SNRPN: variants seen among roughly 807,000 people sequenced by gnomAD.
The protein encoded by SNRPN is small nuclear ribonucleoprotein-associated protein N.
A neutral mutation model predicts 25.2 loss-of-function variants in SNRPN; 7 were observed. The observed-to-expected ratio is 0.28, with a 90% CI of 0.16 to 0.52. SNRPN has a LOEUF of 0.52. Among genes scored for constraint, SNRPN ranks in the 20% least tolerant of loss-of-function variants. The probability of loss-of-function intolerance (pLI) is 0.96; values close to 1 mark genes in which losing one functional copy is unlikely to be tolerated. For missense variants in SNRPN, 196 were observed against 322.5 expected (o/e 0.61, Z 3.00); for synonymous variants, 124 against 110.6 (o/e 1.12, Z -0.76).
At chr15:24,853,329 G>A (rs1178039168), upstream of SNRPN, among the ~76,000 whole-genome samples, 1 of 151,882 alleles carries the variant, frequency 6.6e-6, no homozygotes, top group Non-Finnish European at 1.5e-5. Flanking sequence ...TGCTTCATAA[G>A]CTGTTGACAC....
At chr15:24,904,057 G>C (rs55852993) in intron 2 of SNRPN, among the ~76,000 whole-genome samples, 215 of 150,570 alleles carry the variant, frequency 1.4e-3, no homozygotes, top group Non-Finnish European at 2.2e-3. Flanking sequence ...AAAAAAGATC[G>C]GAGCAAGAAA....
Position 24,871,556 on chromosome 15 carries a change from C to T in SNRPN, c.-579+14840C>T, listed in dbSNP as rs148924300. Among the ~76,000 whole-genome samples the T allele has an allele frequency of 6.0e-3, 912 of 151,972 alleles. 10 individuals are homozygous for T. The highest frequency in any genetic ancestry group is 0.02 in the Middle Eastern group (6 of 294). On this transcript the variant is annotated intron_variant, in intron 1 of 11. Transcript: ENST00000400097. ...ATGATGTCAATCATCTTTTTATGTG[C>T]CCTTTGGGGATACATATTCTTTGAA...
intron 1 of SNRPN, chr15:24,958,911 TCTC>T (rs891493688): frequency 1.3e-5 from 2 of 152,990 alleles, no homozygotes; most frequent in Non-Finnish European, 2.9e-5. Flanking sequence ...TAGAGAGGGG[TCTC>T]CTTATGTTGC....
intron 2 of SNRPN, among the ~76,000 whole-genome samples, chr15:24,965,709 C>T (rs913260324): frequency 1.3e-5 from 2 of 152,098 alleles, no homozygotes; most frequent in African/African-American, 4.8e-5. Flanking sequence ...TTATGCTAAG[C>T]TTCACATGTC....
chr15:24,959,130 A>G (rs2153437416), intron 1 of SNRPN, among the ~76,000 whole-genome samples: 2 of 152,324 alleles, frequency 1.3e-5, no homozygotes, highest in Middle Eastern at 6.8e-3. Context: ...CCGGATTATT[A>G]CTTTCAGTGT....
At chr15:24,908,301 A>G (rs1408373888) in intron 2 of SNRPN, among the ~76,000 whole-genome samples, 1 of 152,250 alleles carries the variant, frequency 6.6e-6, no homozygotes, top group Non-Finnish European at 1.5e-5. Context: ...CTAAAAATGT[A>G]GAGGCTGCTT....
intron 1 of SNRPN, among the ~76,000 whole-genome samples, chr15:24,880,923 C>T (rs936509951): frequency 1.3e-5 from 2 of 149,672 alleles, no homozygotes; most frequent in Admixed American, 6.6e-5. Flanking sequence ...GTGATCCTCC[C>T]GCCTTGGCCT....
rs2153008162 is a variant in SNRPN, at chr15:24,939,147, C to CCA, written c.-391+19026_-391+19027dup. On this transcript the variant is annotated intron_variant, in intron 3 of 11. Coordinates refer to the SNRPN transcript ENST00000400097. ...CTTCTGTTGCATTTTTTTTAGGAAA[C>CCA]CACATAGTGTTTTGCATAGTGGCTG... 2.0e-5 allele frequency among the ~76,000 whole-genome samples: 3 copies of CCA among 152,176 alleles called. No homozygotes were observed. In the East Asian group the frequency reaches 5.8e-4, roughly 29 times the overall value.
chr15:24,889,336 T>C (rs942005371), intron 2 of SNRPN, among the ~76,000 whole-genome samples: 1 of 152,132 alleles, frequency 6.6e-6, no homozygotes, highest in Non-Finnish European at 1.5e-5. Flanking sequence ...GGAGTCTCAT[T>C]CTGTCACCCA....
intron 2 of SNRPN, among the ~76,000 whole-genome samples, chr15:24,844,924 A>T (rs1384164244): frequency 6.6e-6 from 1 of 152,200 alleles, no homozygotes; most frequent in Non-Finnish European, 1.5e-5. Flanking sequence ...TTTCCTTAGA[A>T]ATTTTATGTG....
rs566358180 is a variant in SNRPN, at chr15:24,832,834, G to A, written c.-579+2929G>A. 8.8e-4 allele frequency among the ~76,000 whole-genome samples: 134 copies of A among 152,016 alleles called. 2 individuals carry two copies. The highest frequency in any genetic ancestry group is 3.1e-3 in the African/African-American group (128 of 41,398). The stretch of plus-strand genomic sequence containing the variant: ...TCAAAAGATGATGGAGGCCGGGCGC[G>A]GTGGCTCAGGGCCTGTAATCCCAGC... On this transcript the variant is annotated intron_variant, in intron 2 of 12. Coordinates refer to the SNRPN transcript ENST00000400100.
intron 1 of SNRPN, among the ~76,000 whole-genome samples, chr15:24,871,250 G>A (rs181912072): frequency 1.8e-4 from 27 of 151,938 alleles, no homozygotes; most frequent in African/African-American, 6.0e-4. Context: ...ATAAAGTTAT[G>A]CAGGGTTTCA....
intron 1 of SNRPN, among the ~76,000 whole-genome samples, chr15:24,879,487 A>G (rs933775822): frequency 5.9e-5 from 9 of 152,172 alleles, no homozygotes; most frequent in African/African-American, 2.2e-4. Flanking sequence ...AAGCTCAGAA[A>G]ATATATGTGT....
intron 2 of SNRPN, 58 bp downstream of exon 2, chr15:24,962,267 C>A (rs1046798350): frequency 5.8e-6 from 8 of 1,373,322 alleles, no homozygotes; most frequent in Non-Finnish European, 7.3e-6. Flanking sequence ...CAGATTAGAA[C>A]AAAATATCAT....
intron 3 of SNRPN, among the ~76,000 whole-genome samples, chr15:24,935,888 G>C (rs2061199427): frequency 6.6e-6 from 1 of 152,118 alleles, no homozygotes; most frequent in South Asian, 2.1e-4. Context: ...GGAGGCCAAG[G>C]TGGGTGGATC....
intron 3 of SNRPN, among the ~76,000 whole-genome samples, chr15:24,973,264 A>C (rs1198598171): frequency 6.6e-6 from 1 of 152,184 alleles, no homozygotes; most frequent in Non-Finnish European, 1.5e-5. Context: ...TTTGTAGCCT[A>C]GGATCTACCA....
chr15:24,895,178 G>A (rs1318406824), intron 2 of SNRPN, among the ~76,000 whole-genome samples: 4 of 152,086 alleles, frequency 2.6e-5, no homozygotes, highest in South Asian at 2.1e-4. Flanking sequence ...TGGGTAAAGC[G>A]TGGCAGCTCT....
chr15:24,951,592 C>G (rs1178431374), upstream of SNRPN, among the ~76,000 whole-genome samples: 3 of 151,644 alleles, frequency 2.0e-5, no homozygotes, highest in African/African-American at 7.3e-5. Context: ...ACTGCAATCT[C>G]TGCCTCCTGG....
intron 3 of SNRPN, among the ~76,000 whole-genome samples, chr15:24,971,834 A>G (rs2076443350): frequency 6.6e-6 from 1 of 152,234 alleles, no homozygotes; most frequent in African/African-American, 2.4e-5. Context: ...GAACTGTGCA[A>G]TCATTGCCAT....
Sources: gnomAD v4.1 joint callset for allele counts (sites outside exome capture counted in the v4.1 genomes callset) on GRCh38, gnomAD v4.1.1 for gene constraint, MANE v1.5 for transcripts, NCBI Gene and HGNC (gene_info 2026-07-23, HGNC 2026-07-21) for gene names.